The following CENPP variants were observed in gnomAD, a reference collection of about 807,000 sequenced individuals.
The protein encoded by CENPP is centromere protein P.
In CENPP, 24 loss-of-function variants were observed where a neutral mutation model predicts 35.6. The observed-to-expected ratio is 0.67, with a 90% CI of 0.49 to 0.95. The LOEUF is 0.95. CENPP is among the 40% of genes least tolerant of loss of function. CENPP has a pLI of 0.00. For missense variants in CENPP, 332 were observed against 345.3 expected, an observed-to-expected ratio of 0.96 and a Z score of 0.31; for synonymous variants, 120 against 125.5, an observed-to-expected ratio of 0.96 and a Z score of 0.29.
chr9:92,365,989 G>GCTA (rs915523950), intron 4 of CENPP, among the ~76,000 whole-genome samples: 9 of 151,532 alleles, frequency 5.9e-5, no homozygotes, highest in Admixed American at 5.3e-4. Context: ...GACCATCCTG[G>GCTA]CTAACATGGT....
intron 5 of CENPP, among the ~76,000 whole-genome samples, chr9:92,434,489 T>C (rs1254074429): frequency 1.3e-5 from 2 of 151,672 alleles, no homozygotes; most frequent in Non-Finnish European, 2.9e-5. Flanking sequence ...ACTGCAAACA[T>C]TGAGGAAGAT....
At chr9:92,500,707 T>C in intron 5 of CENPP, 1 of 1,592,086 alleles carries the variant, frequency 6.3e-7, no homozygotes, top group Non-Finnish European at 8.6e-7. Flanking sequence ...AAACAGATAC[T>C]TGAAAAAGCC....
chr9:92,482,194 T>C (rs1461830574), intron 5 of CENPP: 4 of 152,194 alleles, frequency 2.6e-5, no homozygotes, highest in East Asian at 1.9e-4. Flanking sequence ...CTTTGGACTT[T>C]ATCCTATTAT....
chr9:92,612,144 G>A (rs188580769), intron 6 of CENPP, among the ~76,000 whole-genome samples: 76 of 152,352 alleles, frequency 5.0e-4, no homozygotes, highest in Middle Eastern at 3.4e-3. Flanking sequence ...CTTCTCCTGG[G>A]CTCAACTGCC....
intron 3 of CENPP, among the ~76,000 whole-genome samples, chr9:92,338,317 A>C (rs9409470): frequency 0.15 from 21,210 of 143,386 alleles, 1,600 homozygotes; most frequent in South Asian, 0.25. Flanking sequence ...GTCACACACA[A>C]AAAAAAAACC....
chr9:92,494,009 G>C (rs1032543347), intron 5 of CENPP: 1 of 1,481,660 alleles, frequency 6.7e-7, no homozygotes. Context: ...TGTGCTCGTC[G>C]CATTGTCACC....
At chr9:92,408,559 T>G (rs1843367124) in intron 5 of CENPP, among the ~76,000 whole-genome samples, 1 of 152,212 alleles carries the variant, frequency 6.6e-6, no homozygotes, top group African/African-American at 2.4e-5. Context: ...CACAGTTTTT[T>G]TATCGATTGA....
At chr9:92,525,354 C>G (rs1848327245) in intron 5 of CENPP, among the ~76,000 whole-genome samples, 1 of 152,000 alleles carries the variant, frequency 6.6e-6, no homozygotes, top group Non-Finnish European at 1.5e-5. Context: ...CTGAAAGACC[C>G]TGCAAGCATT....
intron 5 of CENPP, among the ~76,000 whole-genome samples, chr9:92,572,725 C>T (rs1325983370): frequency 1.3e-5 from 2 of 152,196 alleles, no homozygotes; most frequent in African/African-American, 4.8e-5. Flanking sequence ...TTCAGGTACA[C>T]CAATCAGATG....
At chr9:92,459,196 A>G (rs979236083) in intron 5 of CENPP, among the ~76,000 whole-genome samples, 2 of 152,216 alleles carry the variant, frequency 1.3e-5, no homozygotes, top group Non-Finnish European at 2.9e-5. Flanking sequence ...AAAAATATAC[A>G]TGTCTATCCT....
At position 92,395,278 on chromosome 9, in the gene CENPP, T is replaced by C. The variant is rs565486328; in HGVS notation, c.564+15419T>C. Reference sequence around the variant, plus strand: ...GTTTGCATTTAGGAGAATTTTATATTAAAAGAATCATGGAGTATCTACTTC... The same window carrying C: ...GTTTGCATTTAGGAGAATTTTATATCAAAAGAATCATGGAGTATCTACTTC... On this transcript the variant is annotated intron_variant, in intron 5 of 7. Transcript: ENST00000375587. 4.6e-5 allele frequency among the ~76,000 whole-genome samples: 7 copies of C among 152,326 alleles called. No homozygotes were observed. In the East Asian group the frequency reaches 1.2e-3, roughly 25 times the overall value.
intron 4 of CENPP, among the ~76,000 whole-genome samples, chr9:92,355,794 C>G (rs2130823119): frequency 6.6e-6 from 1 of 152,146 alleles, no homozygotes. Flanking sequence ...GCAAATGGAC[C>G]CTTGTGGAAC....
At chr9:92,416,493 C>T in intron 5 of CENPP, 1 of 612,910 alleles carries the variant, frequency 1.6e-6, no homozygotes, top group East Asian at 2.9e-5. Context: ...TTCTGCCATT[C>T]CCTTAAGCAA....
At chr9:92,517,633 T>G in intron 5 of CENPP, 1 of 1,603,012 alleles carries the variant, frequency 6.2e-7, no homozygotes. Flanking sequence ...CAAAAACAAA[T>G]GGAAGTTAAA....
chr9:92,505,511 C>T, intron 5 of CENPP: 1 of 1,561,046 alleles, frequency 6.4e-7, no homozygotes, highest in East Asian at 2.3e-5. Flanking sequence ...ACATTTAAAA[C>T]ACTAAAAAAA....
chr9:92,351,525 C>G (rs1475945727), intron 4 of CENPP, among the ~76,000 whole-genome samples: 1 of 151,928 alleles, frequency 6.6e-6, no homozygotes, highest in African/African-American at 2.4e-5. Flanking sequence ...ACAATAACTC[C>G]CACTTCCTCC....
At chr9:92,336,938 A>T (rs1251995845) in intron 2 of CENPP, among the ~76,000 whole-genome samples, 2 of 152,236 alleles carry the variant, frequency 1.3e-5, no homozygotes, top group Non-Finnish European at 2.9e-5. Flanking sequence ...TGTTGAAAAA[A>T]TAAAAAGCAT....
intron 5 of CENPP, chr9:92,416,744 A>T: frequency 6.2e-7 from 1 of 1,613,328 alleles, no homozygotes; most frequent in Non-Finnish European, 8.5e-7. Context: ...ATTATATGGG[A>T]TGTCTTGTAG....
chr9:92,587,069 C>G (rs1214744099), intron 5 of CENPP, among the ~76,000 whole-genome samples: 1 of 151,948 alleles, frequency 6.6e-6, no homozygotes, highest in East Asian at 1.9e-4. Flanking sequence ...ACTTACTAGA[C>G]AAACACTTTT....
Sources: allele counts gnomAD v4.1 joint callset (sites outside exome capture counted in the v4.1 genomes callset), GRCh38; gene constraint gnomAD v4.1.1; transcripts MANE v1.5; gene names NCBI Gene and HGNC (gene_info 2026-07-23, HGNC 2026-07-21).